The following GPR141 variants were observed in gnomAD, a reference collection of about 807,000 sequenced individuals.
GPR141 encodes G protein-coupled receptor 141, also known as probable G protein-coupled receptor 141.
Under a neutral mutation model 6.8 loss-of-function variants are expected in GPR141, and 6 were observed. The ratio of observed to expected loss-of-function variants is 0.88; its 90% CI spans 0.48 to 1.74. The LOEUF is 1.74. Among genes scored for constraint, GPR141 ranks in the 40% most tolerant of loss-of-function variants. The pLI, the probability that GPR141 is intolerant of heterozygous loss-of-function variation, is 0.01. For missense variants in GPR141, 372 were observed against 372.9 expected, an observed-to-expected ratio of 1.00 and a Z score of 0.02; for synonymous variants, 140 against 142.3, an observed-to-expected ratio of 0.98 and a Z score of 0.11.
intron 2 of GPR141, among the ~76,000 whole-genome samples, chr7:37,693,021 T>G (rs3109124): frequency 0.73 from 110,368 of 152,066 alleles, 40,293 homozygotes; most frequent in East Asian, 0.83. Flanking sequence ...GATCCTATTT[T>G]TCAATTTTGG....
intron 2 of GPR141, among the ~76,000 whole-genome samples, chr7:37,735,167 A>C (rs967996115): frequency 6.6e-6 from 1 of 152,184 alleles, no homozygotes; most frequent in Non-Finnish European, 1.5e-5. Flanking sequence ...AATAAAGTAA[A>C]ATACAGAAGT....
chr7:37,692,328 A>G (rs1809815489), intron 2 of GPR141, among the ~76,000 whole-genome samples: 3 of 152,182 alleles, frequency 2.0e-5, no homozygotes, highest in East Asian at 1.9e-4. Context: ...ACATGAACGC[A>G]TCCTTTTTTA....
chr7:37,699,956 C>T (rs1254159713), intron 2 of GPR141, among the ~76,000 whole-genome samples: 1 of 152,138 alleles, frequency 6.6e-6, no homozygotes, highest in Non-Finnish European at 1.5e-5. Flanking sequence ...TATTGAATAG[C>T]TTTTCTGTCC....
chr7:37,729,620 G>T (rs918175616), intron 2 of GPR141, among the ~76,000 whole-genome samples: 5 of 152,234 alleles, frequency 3.3e-5, no homozygotes, highest in African/African-American at 1.2e-4. Flanking sequence ...ACAAAGGTAG[G>T]ACTGAAAGGC....
At chr7:37,738,801 A>T (rs1812388965) in intron 2 of GPR141, among the ~76,000 whole-genome samples, 1 of 152,150 alleles carries the variant, frequency 6.6e-6, no homozygotes, top group Admixed American at 6.5e-5. Context: ...CACAACCCAG[A>T]TCTTGAGCTA....
intron 2 of GPR141, among the ~76,000 whole-genome samples, chr7:37,719,384 G>A (rs1160642189): frequency 2.0e-5 from 3 of 152,158 alleles, no homozygotes; most frequent in African/African-American, 7.2e-5. Flanking sequence ...TTTCAATTTG[G>A]CAAGAAGTTT....
intron 2 of GPR141, among the ~76,000 whole-genome samples, chr7:37,703,151 G>T (rs1305561426): frequency 6.6e-6 from 1 of 152,064 alleles, no homozygotes; most frequent in Non-Finnish European, 1.5e-5. Context: ...TGTACACATT[G>T]TAGGTTGATT....
intron 2 of GPR141, among the ~76,000 whole-genome samples, chr7:37,704,150 T>G (rs1240133843): frequency 6.6e-6 from 1 of 152,174 alleles, no homozygotes; most frequent in Non-Finnish European, 1.5e-5. Flanking sequence ...TATGAATTTT[T>G]GTGGGGAGAA....
intron 2 of GPR141, among the ~76,000 whole-genome samples, chr7:37,736,114 C>T (rs1023199924): frequency 9.9e-5 from 15 of 151,948 alleles, no homozygotes; most frequent in South Asian, 8.3e-4. Flanking sequence ...AAACATTAGC[C>T]GGGTGTGGAG....
At chr7:37,735,998 C>T (rs546673157) in intron 2 of GPR141, among the ~76,000 whole-genome samples, 5 of 152,296 alleles carry the variant, frequency 3.3e-5, no homozygotes, top group South Asian at 4.1e-4. Flanking sequence ...ATAGCTCACA[C>T]CTGTAATCCC....
At chr7:37,702,290 T>G (rs2249089) in intron 2 of GPR141, among the ~76,000 whole-genome samples, 111,505 of 151,902 alleles carry the variant, frequency 0.73, 41,130 homozygotes, top group East Asian at 0.86. Context: ...CAATATTGTT[T>G]TAGGTTTTAT....
intron 2 of GPR141, among the ~76,000 whole-genome samples, chr7:37,714,757 A>G (rs1292432946): frequency 6.6e-6 from 1 of 152,184 alleles, no homozygotes; most frequent in Non-Finnish European, 1.5e-5. Flanking sequence ...TGTTGTTTTC[A>G]TATGCCATTC....
chr7:37,721,300 A>G (rs2257053), intron 2 of GPR141, among the ~76,000 whole-genome samples: 12,410 of 152,212 alleles, frequency 0.082, 512 homozygotes, highest in East Asian at 0.12. Flanking sequence ...TGGGAGGATT[A>G]TAAGTATCAT....
At chr7:37,706,023 A>G (rs2131772147) in intron 2 of GPR141, among the ~76,000 whole-genome samples, 1 of 152,278 alleles carries the variant, frequency 6.6e-6, no homozygotes, top group South Asian at 2.1e-4. Context: ...GGAAACTACC[A>G]CTAAAGAGGG....
chr7:37,733,725 A>G (rs1812100211), intron 2 of GPR141, among the ~76,000 whole-genome samples: 1 of 151,942 alleles, frequency 6.6e-6, no homozygotes, highest in African/African-American at 2.4e-5. Context: ...TGCTAGGATT[A>G]GCATCACTGT....
intron 2 of GPR141, among the ~76,000 whole-genome samples, chr7:37,687,589 A>G (rs887145236): frequency 1.3e-5 from 2 of 152,120 alleles, no homozygotes; most frequent in African/African-American, 4.8e-5. Flanking sequence ...ATAAGTCCCA[A>G]ATATAATCCA....
At chr7:37,729,330 G>A (rs973549101) in intron 2 of GPR141, among the ~76,000 whole-genome samples, 2 of 152,174 alleles carry the variant, frequency 1.3e-5, no homozygotes, top group Non-Finnish European at 2.9e-5. Context: ...GAACAAGGAG[G>A]TCCACAGCCA....
At chr7:37,709,009 A>C (rs1423203451) in intron 2 of GPR141, among the ~76,000 whole-genome samples, 1 of 152,212 alleles carries the variant, frequency 6.6e-6, no homozygotes, top group African/African-American at 2.4e-5. Context: ...AATTATATAT[A>C]TATCCACAAG....
chr7:37,726,751 A>T (rs978918608), intron 2 of GPR141, among the ~76,000 whole-genome samples: 2 of 152,232 alleles, frequency 1.3e-5, no homozygotes, highest in African/African-American at 4.8e-5. Flanking sequence ...AATGGTCAAG[A>T]TCAGGAAAAT....
Sources: gnomAD v4.1 joint callset for allele counts (sites outside exome capture counted in the v4.1 genomes callset) on GRCh38, gnomAD v4.1.1 for gene constraint, MANE v1.5 for transcripts, NCBI Gene and HGNC (gene_info 2026-07-23, HGNC 2026-07-21) for gene names.